The following WDR62 variants were observed in gnomAD, a reference collection of about 807,000 sequenced individuals.
The protein encoded by WDR62 is WD repeat domain 62, also known as WD repeat-containing protein 62.
A neutral mutation model predicts 160.6 loss-of-function variants in WDR62; 112 were observed. The ratio of observed to expected loss-of-function variants is 0.70; its 90% CI spans 0.60 to 0.82. The LOEUF (loss-of-function observed/expected upper bound fraction) is 0.82. Ranked by LOEUF, WDR62 falls within the 40% of genes least tolerant of loss-of-function variation. The pLI is 0.00. For synonymous variants in WDR62, 792 were observed against 815.1 expected, an observed-to-expected ratio of 0.97 and a Z score of 0.48; for missense variants, 1,819 against 1,983.8, an observed-to-expected ratio of 0.92 and a Z score of 1.58.
chr19:36,104,491 T>G (rs1280492784), intron 30 of WDR62, 27 bp from the exon 31 acceptor site: 2 of 1,612,374 alleles, frequency 1.2e-6, no homozygotes, highest in African/African-American at 2.7e-5. Context: ...GCAGCTCATC[T>G]TGCTCATTCC....
At chr19:36,068,971 G>T (rs1231982054) in intron 7 of WDR62, among the ~76,000 whole-genome samples, 1 of 151,954 alleles carries the variant, frequency 6.6e-6, no homozygotes, top group Non-Finnish European at 1.5e-5. Context: ...CGGGGCGGCG[G>T]CAGGGCGGAG....
intron 12 of WDR62, among the ~76,000 whole-genome samples, chr19:36,085,165 G>C (rs1250890441): frequency 1.3e-5 from 2 of 152,082 alleles, no homozygotes; most frequent in Admixed American, 6.5e-5. Context: ...ACCCAGGCTA[G>C]AGGGGAGTGG....
At chr19:36,057,554 G>A (rs867838430) in intron 1 of WDR62, among the ~76,000 whole-genome samples, 1 of 150,424 alleles carries the variant, frequency 6.6e-6, no homozygotes, top group Non-Finnish European at 1.5e-5. Context: ...TCACTCTGTC[G>A]CCCAGGATGG....
At chr19:36,080,487 C>T (rs1365493339) in intron 9 of WDR62, among the ~76,000 whole-genome samples, 2 of 151,066 alleles carry the variant, frequency 1.3e-5, no homozygotes, top group South Asian at 2.1e-4. Context: ...AGTGCAATGG[C>T]GCGATCTTGG....
chr19:36,070,041 A>AGGG, intron 7 of WDR62, among the ~76,000 whole-genome samples: 1 of 151,868 alleles, frequency 6.6e-6, no homozygotes, highest in Non-Finnish European at 1.5e-5. Flanking sequence ...CCGTGGGGAG[A>AGGG]AGGAGAGGGA....
At chr19:36,109,999 G>A (rs1265712602), downstream of WDR62, among the ~76,000 whole-genome samples, 6 of 151,068 alleles carry the variant, frequency 4.0e-5, no homozygotes, top group Non-Finnish European at 7.4e-5. Flanking sequence ...AGGTCATAGA[G>A]GAGCCAAGAT....
intron 7 of WDR62, chr19:36,071,209 A>C (rs372567737): frequency 4.3e-4 from 119 of 277,446 alleles, no homozygotes; most frequent in African/African-American, 2.3e-3. Flanking sequence ...TCTCAAAAAA[A>C]AAAAAAAATT....
At chr19:36,077,666 G>A (rs1483124107) in intron 9 of WDR62, among the ~76,000 whole-genome samples, 2 of 151,096 alleles carry the variant, frequency 1.3e-5, no homozygotes, top group African/African-American at 4.9e-5. Context: ...GCACAATCTC[G>A]GCTCACTGCA....
chr19:36,066,009 A>C lies in WDR62; in HGVS notation c.384A>C (p.Thr128=). ...AFSPDGKYIV[T]GENGHRPAVR... ...CCCCTGATGGGAAGTACATAGTGAC[A>C]GGGGAGGTGAGTCGTGATCGTGACT... The change falls in exon 4 of 32, where the codon ACA becomes ACC. Residue 128 remains threonine (T), a synonymous_variant. Coordinates refer to ENST00000401500, the MANE Select transcript of WDR62 (RefSeq NM_001083961.2). The C allele has an allele frequency of 6.2e-7, 1 of 1,614,086 alleles. No homozygotes were observed. Among genetic ancestry groups the C allele is most frequent in the East Asian group, 2.2e-5 (1 of 44,882 alleles).
At position 36,091,997 on chromosome 19, in the gene WDR62, C is replaced by T. The variant is rs981235812; in HGVS notation, c.2210+532C>T. ...TTTGCTCCCCTGTAAAAGACACCAC[C>T]GTTTACATTTACCTTAAAAATGGTG... On this transcript the variant is annotated intron_variant, in intron 18 of 31. Coordinates refer to ENST00000401500, the MANE Select transcript of WDR62 (RefSeq NM_001083961.2). Among the ~76,000 whole-genome samples the T allele has an allele frequency of 3.9e-5, 6 of 152,028 alleles. No individual in the cohort carries two copies. In the East Asian group the frequency reaches 7.8e-4, roughly 20 times the overall value.
rs13344701 is a variant in WDR62, at chr19:36,066,982, G to C, written c.562-324G>C. Among the ~76,000 whole-genome samples, 22,542 of 152,232 alleles carry C rather than the reference G, an allele frequency of 0.15. 1,892 individuals are homozygous for C. Among genetic ancestry groups the C allele is most frequent in the East Asian group, 0.29 (1,523 of 5,168 alleles). On this transcript the variant is annotated intron_variant, in intron 5 of 31. Coordinates refer to ENST00000401500, the MANE Select transcript of WDR62 (RefSeq NM_001083961.2). ...AGGGCCCAGAGCAGGAGCCCCATCT[G>C]TGACAGCCATAGGTTGTGTTGTCCT...
At chr19:36,088,114 T>G (rs979094253) in intron 13 of WDR62, among the ~76,000 whole-genome samples, 1 of 152,110 alleles carries the variant, frequency 6.6e-6, no homozygotes, top group African/African-American at 2.4e-5. Flanking sequence ...CATCTAATAC[T>G]TGTATGTCAG....
At position 36,103,589 on chromosome 19, in the gene WDR62, C is replaced by G; in HGVS notation, c.3761C>G (p.Ser1254Cys). 6.2e-7 allele frequency: 1 copy of G among 1,613,598 alleles called. No individual in the cohort carries two copies. Among genetic ancestry groups the G allele is most frequent in the African/African-American group, 1.3e-5 (1 of 75,060 alleles). The change falls in exon 30 of 32, where the codon TCC (serine) becomes TGC (cysteine). Residue 1254 changes from serine to cysteine, a missense_variant. Transcript: ENST00000401500. ...TLAQPLRRPS[S>C]VGELASLGQE... ...GCCCAGCCCCTCCGTAGGCCATCGTCCGTTGGGGAGCTGGCCTCCTTGGGC... is the reference window on the plus strand; with the variant it reads ...GCCCAGCCCCTCCGTAGGCCATCGTGCGTTGGGGAGCTGGCCTCCTTGGGC...
In WDR62 at chr19:36,091,357, C is replaced by T. The variant is rs767650230; in HGVS notation, c.2147-45C>T. 6.2e-6 allele frequency: 10 copies of T among 1,605,224 alleles called. No individual in the cohort carries two copies. In the East Asian group the frequency reaches 6.7e-5, roughly 11 times the overall value. On this transcript the variant is annotated intron_variant, in intron 17 of 31. Coordinates refer to ENST00000401500, the MANE Select transcript of WDR62 (RefSeq NM_001083961.2). Reference sequence around the variant, plus strand: ...GGGATGCCTCCCCACCCGCCCACACCCTCTGACTCCGAAGGCAAGTGCAGC... The same window carrying T: ...GGGATGCCTCCCCACCCGCCCACACTCTCTGACTCCGAAGGCAAGTGCAGC...
chr19:36,079,538 G>A (rs994555120), intron 9 of WDR62, among the ~76,000 whole-genome samples: 1 of 152,122 alleles, frequency 6.6e-6, no homozygotes, highest in African/African-American at 2.4e-5. Context: ...TCTTCAGTGT[G>A]GAGCTTTGTC....
Position 36,104,551 on chromosome 19 carries a change from G to C in WDR62, c.4187G>C (p.Arg1396Pro), listed in dbSNP as rs372272053. ...GGTCTGTTACAGGGCAGCCCTGCCCGCTGGAGTGAGCCCTGGGTGCCGGTT... is the reference window on the plus strand; with the variant it reads ...GGTCTGTTACAGGGCAGCCCTGCCCCCTGGAGTGAGCCCTGGGTGCCGGTT... Reference protein sequence around the residue: ...ALGLLQGSPARWSEPWVPVEA... With the variant: ...ALGLLQGSPAPWSEPWVPVEA... Residue 1396 changes from arginine to proline, a missense_variant, in exon 31 of 32, where the codon CGC (arginine) becomes CCC (proline). By Grantham distance (103) the Arg-to-Pro change is moderately radical. Coordinates refer to ENST00000401500, the MANE Select transcript of WDR62 (RefSeq NM_001083961.2). 1 of 1,613,474 alleles carries C rather than the reference G, an allele frequency of 6.2e-7. No homozygotes were observed. Among genetic ancestry groups the C allele is most frequent in the Non-Finnish European group, 8.5e-7 (1 of 1,179,796 alleles).
chr19:36,064,090 G>A (rs1379697778), intron 3 of WDR62, among the ~76,000 whole-genome samples: 9 of 152,176 alleles, frequency 5.9e-5, no homozygotes, highest in Admixed American at 1.3e-4. Context: ...TCAGTGCACT[G>A]ATGGCCAGAC....
chr19:36,103,565 C>T lies in WDR62; in HGVS notation c.3737C>T (p.Ala1246Val), dbSNP rs767400617. The T allele has an allele frequency of 6.2e-7, 1 of 1,613,922 alleles. No homozygotes were observed. The change falls in exon 30 of 32, where the codon GCC becomes GTC. Residue 1246 changes from alanine (A) to valine (V), a missense_variant. Coordinates refer to ENST00000401500, the MANE Select transcript of WDR62 (RefSeq NM_001083961.2). ...DSEGPIVATL[A>V]QPLRRPSSVG... ...GAGGGCCCTATCGTGGCCACACTGGCCCAGCCCCTCCGTAGGCCATCGTCC... is the reference window on the plus strand; with the variant it reads ...GAGGGCCCTATCGTGGCCACACTGGTCCAGCCCCTCCGTAGGCCATCGTCC...
rs1474415496 is a variant in WDR62, at chr19:36,102,736, G to A, written c.3221-1G>A. Reference sequence around the variant, plus strand: ...AGGGTCCCCTCGGGATCTTCCCCTAGAGCTCTTCCCCGCAGCTCTGGGAGA... The same window carrying A: ...AGGGTCCCCTCGGGATCTTCCCCTAAAGCTCTTCCCCGCAGCTCTGGGAGA... On this transcript the variant is annotated splice_acceptor_variant, in intron 26 of 31. Coordinates refer to ENST00000401500, the MANE Select transcript of WDR62 (RefSeq NM_001083961.2). LOFTEE classifies it high-confidence loss of function. The A allele has an allele frequency of 6.2e-7, 1 of 1,614,078 alleles. No homozygotes were observed. Among genetic ancestry groups the A allele is most frequent in the Non-Finnish European group, 8.5e-7 (1 of 1,179,926 alleles).
Sources: allele counts gnomAD v4.1 joint callset (sites outside exome capture counted in the v4.1 genomes callset), GRCh38; gene constraint gnomAD v4.1.1; transcripts MANE v1.5; gene names NCBI Gene and HGNC (gene_info 2026-07-23, HGNC 2026-07-21).